The following GAPDH variants were observed in gnomAD, a reference collection of about 807,000 sequenced individuals.
GAPDH encodes the protein OCAS, p38 component.
A neutral mutation model predicts 31.2 loss-of-function variants in GAPDH; 13 were observed. That is an observed-to-expected ratio of 0.42 (90% CI 0.27 to 0.66). The LOEUF (loss-of-function observed/expected upper bound fraction) is 0.66. Ranked by LOEUF, GAPDH falls within the 30% of genes least tolerant of loss-of-function variation. The pLI is 0.26. For synonymous variants in GAPDH, 211 were observed against 166.9 expected (o/e 1.26, Z -2.04); for missense variants, 300 against 443.7 (o/e 0.68, Z 2.91).
Position 6,537,211 on chromosome 12 carries a change from C to T in GAPDH, c.438C>T (p.Ile146=), listed in dbSNP as rs753064371. 8.1e-6 allele frequency: 13 copies of T among 1,611,814 alleles called. 1 individual carries two copies. The East Asian group carries it at 1.6e-4, about 19-fold the overall frequency. Reference sequence around the variant, plus strand: ...AGAAGTATGACAACAGCCTCAAGATCATCAGGTGAGGAAGGCAGGGCCCGT... The same window carrying T: ...AGAAGTATGACAACAGCCTCAAGATTATCAGGTGAGGAAGGCAGGGCCCGT... ...NHEKYDNSLK[I]ISNASCTTNC... The change falls in exon 6 of 9, where the codon ATC becomes ATT. Residue 146 remains isoleucine (I), a synonymous_variant. Transcript: ENST00000229239. This position sits in a 1 kb window ranked among gnomAD's most constrained non-coding sequence, Gnocchi z 4.9.
At position 6,537,114 on chromosome 12, in the gene GAPDH, G is replaced by A. The variant is rs1946489511; in HGVS notation, c.341G>A (p.Gly114Glu). 6.2e-7 allele frequency: 1 copy of A among 1,613,816 alleles called. No homozygotes were observed. Among genetic ancestry groups the A allele is most frequent in the East Asian group, 2.2e-5 (1 of 44,882 alleles). ...TCTCTGCTGTAGGCTCATTTGCAGG[G>A]GGGAGCCAAAAGGGTCATCATCTCT... ...TMEKAGAHLQ[G>E]GAKRVIISAP... Residue 114 changes from glycine (G) to glutamate (E), a missense_variant, in exon 6 of 9, where the codon GGG (glycine) becomes GAG (glutamate). By Grantham distance (98) the Gly-to-Glu change is moderately conservative. Transcript: ENST00000229239. The surrounding 1 kb of genome is among the most constrained non-coding windows in gnomAD (Gnocchi z 4.9).
intron 2 of GAPDH, among the ~76,000 whole-genome samples, chr12:6,536,152 G>T (rs1001428291): frequency 6.6e-6 from 1 of 152,220 alleles, no homozygotes. Context: ...AGCTGAGCTA[G>T]GCAGCAGCAA....
rs1195624433 is a variant in GAPDH at position 6,534,532 on chromosome 12, T to C, written c.-61T>C. ...CTCCCGCTTCGCTCTCTGCTCCTCC[T>C]GTTCGACAGTCAGCCGCATCTTCTT... On this transcript the variant is annotated 5_prime_UTR_variant, in exon 1 of 9. Transcript: ENST00000229239. 2 of 478,226 alleles carry C rather than the reference T, an allele frequency of 4.2e-6. No homozygotes were observed. Among genetic ancestry groups the C allele is most frequent in the Non-Finnish European group, 7.6e-6 (2 of 264,006 alleles). The allele number at this position is 478,226 out of a possible 1,614,324, so 29.6% of individuals were successfully genotyped here.
rs762437793 is a variant in GAPDH, at chr12:6,537,398, A to G, written c.525+8A>G. The G allele has an allele frequency of 6.2e-7, 1 of 1,602,666 alleles. No homozygotes were observed. Among genetic ancestry groups the G allele is most frequent in the Non-Finnish European group, 8.5e-7 (1 of 1,178,324 alleles). On this transcript the variant is annotated splice_region_variant and intron_variant, in intron 7 of 8. Transcript: ENST00000229239. This position sits in a 1 kb window ranked among gnomAD's most constrained non-coding sequence, Gnocchi z 4.9. ...ATCGTGGAAGGACTCATGGTATGAGAGCTGGGGAATGGGACTGAGGCTCCC... is the reference window on the plus strand; with the variant it reads ...ATCGTGGAAGGACTCATGGTATGAGGGCTGGGGAATGGGACTGAGGCTCCC...
Position 6,536,493 on chromosome 12 carries a change from G to T in GAPDH, c.30-1G>T. The T allele has an allele frequency of 6.2e-7, 1 of 1,612,490 alleles. No homozygotes were observed. On this transcript the variant is annotated splice_acceptor_variant, in intron 2 of 8. Coordinates refer to ENST00000229239, the MANE Select transcript of GAPDH (RefSeq NM_002046.7). LOFTEE classifies it high-confidence loss of function. ...ATGCCTTCTTGCCTCTTGTCTCTTAGATTTGGTCGTATTGGGCGCCTGGTC... is the reference window on the plus strand; with the variant it reads ...ATGCCTTCTTGCCTCTTGTCTCTTATATTTGGTCGTATTGGGCGCCTGGTC...
rs752305286 is a variant in GAPDH, at chr12:6,538,003, G to C, written c.938+7G>C. 6.3e-7 allele frequency: 1 copy of C among 1,592,744 alleles called. No homozygotes were observed. The highest frequency in any genetic ancestry group is 8.5e-7 in the Non-Finnish European group (1 of 1,178,428). On this transcript the variant is annotated splice_region_variant and intron_variant, in intron 8 of 8. Transcript: ENST00000229239. Reference sequence around the variant, plus strand: ...TTGTCAAGCTCATTTCCTGGTATGTGGCTGGGGCCAGAGACTGGCTCTTAA... The same window carrying C: ...TTGTCAAGCTCATTTCCTGGTATGTCGCTGGGGCCAGAGACTGGCTCTTAA...
At chr12:6,535,943 AC>A (rs1211883088) in intron 2 of GAPDH, among the ~76,000 whole-genome samples, 1 of 152,206 alleles carries the variant, frequency 6.6e-6, no homozygotes, top group Non-Finnish European at 1.5e-5. Flanking sequence ...AGGACAGGCA[AC>A]TTGGCAAATC....
chr12:6,534,694 G>A, intron 1 of GAPDH, 116 bp from the exon 2 acceptor site: 1 of 908,574 alleles, frequency 1.1e-6, no homozygotes, highest in Non-Finnish European at 1.7e-6. Flanking sequence ...TTGCAGGGGC[G>A]GGCGGAGGAC....
rs775271002 is a variant in GAPDH, at chr12:6,537,674, A to G, written c.616A>G (p.Ile206Val). The change falls in exon 8 of 9, where the codon ATC becomes GTC. Residue 206 changes from isoleucine to valine, a missense_variant. By Grantham distance (29) the Ile-to-Val change is conservative. Coordinates refer to ENST00000229239, the MANE Select transcript of GAPDH (RefSeq NM_002046.7). This position sits in a 1 kb window ranked among gnomAD's most constrained non-coding sequence, Gnocchi z 4.9. Reference sequence around the variant, plus strand: ...TGATGGCCGCGGGGCTCTCCAGAACATCATCCCTGCCTCTACTGGCGCTGC... The same window carrying G: ...TGATGGCCGCGGGGCTCTCCAGAACGTCATCCCTGCCTCTACTGGCGCTGC... Reference protein sequence around the residue: ...WRDGRGALQNIIPASTGAAKA... With the variant: ...WRDGRGALQNVIPASTGAAKA... The G allele has an allele frequency of 1.2e-6, 2 of 1,611,416 alleles. No homozygotes were observed. The highest frequency in any genetic ancestry group is 1.7e-6 in the Non-Finnish European group (2 of 1,179,842).
chr12:6,534,821 C>T lies in GAPDH; in HGVS notation c.-12C>T, dbSNP rs753709203. The T allele has an allele frequency of 1.2e-6, 2 of 1,613,548 alleles. No homozygotes were observed. Among genetic ancestry groups the T allele is most frequent in the Admixed American group, 1.7e-5 (1 of 60,018 alleles). ...CTCCCTCCGCGCAGCCGAGCCACAT[C>T]GCTCAGACACCATGGGGAAGGTGAA... On this transcript the variant is annotated 5_prime_UTR_variant, in exon 2 of 9. Coordinates refer to ENST00000229239, the MANE Select transcript of GAPDH (RefSeq NM_002046.7).
At chr12:6,536,427 C>T in intron 2 of GAPDH, 67 bp from the exon 3 acceptor site, 1 of 1,165,338 alleles carries the variant, frequency 8.6e-7, no homozygotes, top group South Asian at 1.2e-5. Flanking sequence ...GGGGAGGTGG[C>T]CTAGGGCTGC....
intron 2 of GAPDH, among the ~76,000 whole-genome samples, chr12:6,535,752 C>T (rs551023210): frequency 6.6e-6 from 1 of 152,288 alleles, no homozygotes; most frequent in Admixed American, 6.5e-5. Flanking sequence ...GGGGAACCTG[C>T]CCTTCTCCCC....
Position 6,537,019 on chromosome 12 carries a change from A to T in GAPDH, c.327+9A>T, listed in dbSNP as rs1565553629. On this transcript the variant is annotated intron_variant, in intron 5 of 8. Transcript: ENST00000229239. The surrounding 1 kb of genome is among the most constrained non-coding windows in gnomAD (Gnocchi z 4.9). ...CCATGGAGAAGGCTGGGGTGAGTGCAGGAGGGCCCGCGGGAGGGGAAGCTG... is the reference window on the plus strand; with the variant it reads ...CCATGGAGAAGGCTGGGGTGAGTGCTGGAGGGCCCGCGGGAGGGGAAGCTG... 9.9e-6 allele frequency: 16 copies of T among 1,610,252 alleles called. No individual in the cohort carries two copies. The highest frequency in any genetic ancestry group is 5.6e-5 in the South Asian group (5 of 89,748).
In GAPDH at chr12:6,534,542, T is replaced by G. The variant is rs1042393207; in HGVS notation, c.-51T>G. 4 of 500,252 alleles carry G rather than the reference T, an allele frequency of 8.0e-6. No homozygotes were observed. The highest frequency in any genetic ancestry group is 2.1e-5 in the African/African-American group (1 of 47,924). 31.0% of individuals were successfully genotyped at this position (500,252 alleles called of 1,614,324 possible). On this transcript the variant is annotated 5_prime_UTR_variant, in exon 1 of 9. Transcript: ENST00000229239. ...GCTCTCTGCTCCTCCTGTTCGACAGTCAGCCGCATCTTCTTTTGCGTCGCC... is the reference window on the plus strand; with the variant it reads ...GCTCTCTGCTCCTCCTGTTCGACAGGCAGCCGCATCTTCTTTTGCGTCGCC...
rs1182928285 is a variant in GAPDH, at chr12:6,537,515, T to G, written c.526-69T>G. The G allele has an allele frequency of 1.3e-6, 2 of 1,586,574 alleles. No individual in the cohort carries two copies. Among genetic ancestry groups the G allele is most frequent in the East Asian group, 4.5e-5 (2 of 44,648 alleles). On this transcript the variant is annotated intron_variant, in intron 7 of 8. Coordinates refer to ENST00000229239, the MANE Select transcript of GAPDH (RefSeq NM_002046.7). The surrounding 1 kb of genome is among the most constrained non-coding windows in gnomAD (Gnocchi z 4.9). Reference sequence around the variant, plus strand: ...GGGGACTGGCTTTCCCATAATTTCCTTTCAAGGTGGGGAGGGAGGTAGAGG... The same window carrying G: ...GGGGACTGGCTTTCCCATAATTTCCGTTCAAGGTGGGGAGGGAGGTAGAGG...
Position 6,537,901 on chromosome 12 carries a change from G to T in GAPDH, c.843G>T (p.Val281=), listed in dbSNP as rs751074589. Residue 281 remains valine, a synonymous_variant, in exon 8 of 9, where the codon GTG becomes GTT. Coordinates refer to ENST00000229239, the MANE Select transcript of GAPDH (RefSeq NM_002046.7). This position sits in a 1 kb window ranked among gnomAD's most constrained non-coding sequence, Gnocchi z 4.9. ...TCCTGGGCTACACTGAGCACCAGGT[G>T]GTCTCCTCTGACTTCAACAGCGACA... The part of the protein sequence containing the change: ...KGILGYTEHQ[V]VSSDFNSDTH... The T allele has an allele frequency of 1.9e-6, 3 of 1,613,812 alleles. No homozygotes were observed. The highest frequency in any genetic ancestry group is 8.5e-7 in the Non-Finnish European group (1 of 1,180,020).
At chr12:6,535,220 G>GC (rs1340379935) in intron 2 of GAPDH, 1 of 1,099,178 alleles carries the variant, frequency 9.1e-7, no homozygotes, top group African/African-American at 1.7e-5. Flanking sequence ...ACGGCCTCCG[G>GC]CACCGCAGGC....
In GAPDH at chr12:6,537,598, C is replaced by A; in HGVS notation, c.540C>A (p.Ala180=). The change falls in exon 8 of 9, where the codon GCC becomes GCA. Residue 180 remains alanine, a synonymous_variant. Coordinates refer to ENST00000229239, the MANE Select transcript of GAPDH (RefSeq NM_002046.7). This position sits in a 1 kb window ranked among gnomAD's most constrained non-coding sequence, Gnocchi z 4.9. ...IVEGLMTTVH[A]ITATQKTVDG... Reference sequence around the variant, plus strand: ...TCCTTTTGCAGACCACAGTCCATGCCATCACTGCCACCCAGAAGACTGTGG... The same window carrying A: ...TCCTTTTGCAGACCACAGTCCATGCAATCACTGCCACCCAGAAGACTGTGG... 6.2e-7 allele frequency: 1 copy of A among 1,611,738 alleles called. No individual in the cohort carries two copies. The highest frequency in any genetic ancestry group is 1.1e-5 in the South Asian group (1 of 90,930).
At chr12:6,538,053 G>GGT (rs1208982403) in intron 8 of GAPDH, 48 bp from the exon 9 acceptor site, 26 of 1,599,308 alleles carry the variant, frequency 1.6e-5, no homozygotes, top group Non-Finnish European at 2.2e-5. Context: ...GGCGCCCTCT[G>GGT]GTGGCTGGCT....
Sources: gnomAD v4.1 joint callset for allele counts (sites outside exome capture counted in the v4.1 genomes callset) on GRCh38, gnomAD v4.1.1 for gene constraint, Gnocchi (gnomAD v3.1) non-coding constraint, MANE v1.5 for transcripts, NCBI Gene and HGNC (gene_info 2026-07-23, HGNC 2026-07-21) for gene names.